ACSS2: variants seen among roughly 807,000 people sequenced by gnomAD.
ACSS2 encodes the protein acetyl-coenzyme A synthetase, cytoplasmic.
In ACSS2, 58 loss-of-function variants were observed where a neutral mutation model predicts 90.6. The observed-to-expected ratio is 0.64, with a 90% CI of 0.52 to 0.80. ACSS2 has a LOEUF of 0.80. Ranked by LOEUF, ACSS2 falls within the 30% of genes least tolerant of loss-of-function variation. The pLI is 0.00. For missense variants in ACSS2, 759 were observed against 912.0 expected, an observed-to-expected ratio of 0.83 and a Z score of 2.16; for synonymous variants, 300 against 330.9, an observed-to-expected ratio of 0.91 and a Z score of 1.01.
At chr20:34,903,742 A>C (rs1014649403) in intron 2 of ACSS2, among the ~76,000 whole-genome samples, 5 of 151,868 alleles carry the variant, frequency 3.3e-5, no homozygotes, top group African/African-American at 1.2e-4. Flanking sequence ...TATCGTTCTC[A>C]TATAAAGAGG....
chr20:34,905,022 A>G (rs551234793), intron 2 of ACSS2, among the ~76,000 whole-genome samples: 4 of 143,372 alleles, frequency 2.8e-5, no homozygotes, highest in African/African-American at 1.0e-4. Flanking sequence ...GGCTTATGTG[A>G]TCCTCCTATT....
rs202022847 is a variant in ACSS2, at chr20:34,902,028, G to GT, written c.375-11058dup. Among the ~76,000 whole-genome samples the GT allele has an allele frequency of 1.3e-3, 193 of 148,796 alleles. 1 individual carries two copies. The highest frequency in any genetic ancestry group is 7.8e-3 in the East Asian group (40 of 5,098). On this transcript the variant is annotated intron_variant, in intron 2 of 17. Transcript: ENST00000360596. ...ATCTTTGGACATCTCTAACAGAAAGGTTTTTTTTTTAATATGGAGCTCTCC... is the reference window on the plus strand; with the variant it reads ...ATCTTTGGACATCTCTAACAGAAAGGTTTTTTTTTTTAATATGGAGCTCTCC...
Position 34,914,107 on chromosome 20 carries a change from AG to A in ACSS2, c.661del (p.Glu221LysfsTer4). The A allele has an allele frequency of 6.2e-7, 1 of 1,614,156 alleles. No individual in the cohort carries two copies. Among genetic ancestry groups the A allele is most frequent in the Non-Finnish European group, 8.5e-7 (1 of 1,180,008 alleles). ...GTTGCTCCCCAAAGATGCCTTCTAC[AG>A]GGGGGAAAAGCTTGTGAACCTGAAG... ...SLLITTDAFY[R>X]GEKLVNLKEL... is the part of the protein sequence containing the mutation. On this transcript the variant is annotated frameshift_variant, in exon 6 of 18. Coordinates refer to ENST00000360596, the MANE Select transcript of ACSS2 (RefSeq NM_018677.4). LOFTEE classifies it high-confidence loss of function.
intron 4 of ACSS2, 80 bp downstream of exon 4, chr20:34,913,576 G>T: frequency 7.2e-7 from 1 of 1,388,818 alleles, no homozygotes; most frequent in Non-Finnish European, 1.0e-6. Flanking sequence ...ATGATGGAGG[G>T]TCTTAAATAA....
Position 34,925,764 on chromosome 20 carries a change from C to T in ACSS2, c.1724C>T (p.Ser575Phe). 6.2e-7 allele frequency: 1 copy of T among 1,612,846 alleles called. No individual in the cohort carries two copies. Among genetic ancestry groups the T allele is most frequent in the Non-Finnish European group, 8.5e-7 (1 of 1,179,532 alleles). ...AGGATTGATGACATGCTCAATGTAT[C>T]TGGTGAGGGCCAGGGGCCACCTTCC... ...TGRIDDMLNV[S>F]GHLLSTAEVE... Residue 575 changes from serine (S) to phenylalanine (F), a missense_variant and splice_region_variant, in exon 15 of 18, where the codon TCT becomes TTT. Ser to Phe is a radical substitution (Grantham distance 155). Coordinates refer to ENST00000360596, the MANE Select transcript of ACSS2 (RefSeq NM_018677.4).
chr20:34,888,232 C>T (rs1010299828), intron 2 of ACSS2, among the ~76,000 whole-genome samples: 1 of 152,076 alleles, frequency 6.6e-6, no homozygotes, highest in African/African-American at 2.4e-5. Context: ...AGTTTGAGTC[C>T]TATTTTTGCC....
intron 2 of ACSS2, among the ~76,000 whole-genome samples, chr20:34,899,353 C>T (rs772433521): frequency 1.3e-5 from 2 of 152,224 alleles, no homozygotes; most frequent in East Asian, 1.9e-4. Context: ...ACTGCCAGCA[C>T]GCTGTCACCT....
chr20:34,921,925 C>T (rs2081211835), intron 13 of ACSS2, 59 bp downstream of exon 13: 3 of 1,564,146 alleles, frequency 1.9e-6, no homozygotes, highest in Non-Finnish European at 2.6e-6. Flanking sequence ...GCCAAGGGTA[C>T]TTTGCTTTAG....
chr20:34,876,672 G>C lies in ACSS2; in HGVS notation c.27G>C (p.Arg9=), dbSNP rs2079917399. Residue 9 remains arginine, a synonymous_variant, in exon 1 of 18, where the codon CGG becomes CGC. Transcript: ENST00000360596. The part of the protein sequence containing the change: MGLPEERV[R]SGSGSRGQEE... ...TGGGGCTTCCTGAGGAGCGGGTCCG[G>C]AGCGGCAGCGGGAGCCGGGGCCAGG... is the stretch of plus-strand genomic sequence containing the variant. 5.0e-6 allele frequency: 7 copies of C among 1,409,260 alleles called. No individual in the cohort carries two copies. In the African/African-American group the frequency reaches 7.5e-5, roughly 15 times the overall value. 87.3% of individuals were successfully genotyped at this position (1,409,260 alleles called of 1,614,324 possible). A position where few individuals can be genotyped will look rare whatever the true frequency, so the allele number is the denominator to read the frequency against.
chr20:34,891,265 C>G (rs1416280033), intron 2 of ACSS2, among the ~76,000 whole-genome samples: 1 of 152,172 alleles, frequency 6.6e-6, no homozygotes, highest in Non-Finnish European at 1.5e-5. Context: ...TTCTCTTCCT[C>G]TCTCTGGGCC....
At chr20:34,924,023 T>C (rs1303166685) in intron 14 of ACSS2, among the ~76,000 whole-genome samples, 3 of 152,168 alleles carry the variant, frequency 2.0e-5, no homozygotes, top group African/African-American at 7.2e-5. Context: ...GGAATGAGTA[T>C]AGCAGGAGGG....
intron 13 of ACSS2, chr20:34,922,102 T>C (rs1278871392): frequency 3.0e-6 from 3 of 994,208 alleles, no homozygotes; most frequent in Non-Finnish European, 3.9e-6. Flanking sequence ...AGATTCCTGA[T>C]GGTACCTTTT....
Position 34,882,955 on chromosome 20 carries a change from G to C in ACSS2, c.340G>C (p.Glu114Gln), listed in dbSNP as rs1369586635. 6.2e-7 allele frequency: 1 copy of C among 1,606,328 alleles called. No homozygotes were observed. The highest frequency in any genetic ancestry group is 2.2e-5 in the East Asian group (1 of 44,826). The change falls in exon 2 of 18, where the codon GAG becomes CAG. Residue 114 changes from glutamate to glutamine, a missense_variant. Coordinates refer to ENST00000360596, the MANE Select transcript of ACSS2 (RefSeq NM_018677.4). ...CYNVLDRNVH[E>Q]KKLGDKVAFY... ...CAATGTACTGGATCGAAATGTCCAT[G>C]AGAAAAAGCTTGGAGATAAAGTTGC...
intron 1 of ACSS2, among the ~76,000 whole-genome samples, chr20:34,878,912 C>CTT (rs552565582): frequency 6.0e-4 from 65 of 108,108 alleles, no homozygotes; most frequent in South Asian, 2.8e-3. Flanking sequence ...TTTTTTTTTT[C>CTT]TTTTTTTTTT....
At chr20:34,916,122 T>A (rs1488500199) in intron 7 of ACSS2, among the ~76,000 whole-genome samples, 1 of 152,214 alleles carries the variant, frequency 6.6e-6, no homozygotes, top group African/African-American at 2.4e-5. Flanking sequence ...TTTTCTCTAT[T>A]CTCATTAGCA....
In ACSS2 at chr20:34,914,183, T is replaced by G; in HGVS notation, c.719+12T>G. The G allele has an allele frequency of 6.2e-7, 1 of 1,614,108 alleles. No individual in the cohort carries two copies. Among genetic ancestry groups the G allele is most frequent in the Non-Finnish European group, 8.5e-7 (1 of 1,179,974 alleles). On this transcript the variant is annotated intron_variant, in intron 6 of 17. Coordinates refer to ENST00000360596, the MANE Select transcript of ACSS2 (RefSeq NM_018677.4). ...AAGTGTCAGGAGAAGTAAGTGTGTT[T>G]GGCTACTGTCTGAGTTGACTGAGCC...
chr20:34,921,842 G>GGAAGGT lies in ACSS2; in HGVS notation c.1529_1534dup (p.Gly510_Glu511dup). 6.2e-7 allele frequency: 1 copy of GGAAGGT among 1,613,988 alleles called. No homozygotes were observed. Among genetic ancestry groups the GGAAGGT allele is most frequent in the Non-Finnish European group, 8.5e-7 (1 of 1,179,946 alleles). ...TCCTGAATGAGTCCGGGGAAGAGTT[G>GGAAGGT]GAAGGTGAAGCTGAAGGTTATCTGG... On this transcript the variant is annotated inframe_insertion, in exon 13 of 18. Transcript: ENST00000360596.
chr20:34,875,045 A>G, upstream of ACSS2: 1 of 534,134 alleles, frequency 1.9e-6, no homozygotes, highest in South Asian at 1.4e-5. Flanking sequence ...CCTCAGAATC[A>G]CTCTTGGAGT....
chr20:34,910,532 G>C (rs111824417), intron 2 of ACSS2, among the ~76,000 whole-genome samples: 1 of 152,148 alleles, frequency 6.6e-6, no homozygotes, highest in Non-Finnish European at 1.5e-5. Context: ...GCATGTGCCC[G>C]TAGTCCCAGC....
Sources: allele counts gnomAD v4.1 joint callset (sites outside exome capture counted in the v4.1 genomes callset), GRCh38; gene constraint gnomAD v4.1.1; transcripts MANE v1.5; gene names NCBI Gene and HGNC (gene_info 2026-07-23, HGNC 2026-07-21).